SPIRE1: variants seen among roughly 807,000 people sequenced by gnomAD.
SPIRE1 encodes protein spire homolog 1.
A neutral mutation model predicts 94.1 loss-of-function variants in SPIRE1; 40 were observed. The observed-to-expected ratio is 0.43, with a 90% CI of 0.33 to 0.55. The LOEUF (loss-of-function observed/expected upper bound fraction) is 0.55. Ranked by LOEUF, SPIRE1 falls within the 20% of genes least tolerant of loss-of-function variation. SPIRE1 has a pLI of 0.06. For synonymous variants in SPIRE1, 376 were observed against 371.7 expected (o/e 1.01, Z -0.13); for missense variants, 838 against 975.2 (o/e 0.86, Z 1.87).
intron 2 of SPIRE1, among the ~76,000 whole-genome samples, chr18:12,550,037 A>C (rs1276410803): frequency 1.3e-5 from 2 of 152,134 alleles, no homozygotes; most frequent in African/African-American, 2.4e-5. Flanking sequence ...CTCCAAATAA[A>C]ACAATCATTT....
chr18:12,456,868 C>T (rs947497817), intron 12 of SPIRE1, among the ~76,000 whole-genome samples: 2 of 152,190 alleles, frequency 1.3e-5, no homozygotes, highest in African/African-American at 2.4e-5. Flanking sequence ...GACAAGGTCT[C>T]GCTCTGTCAC....
Position 12,479,787 on chromosome 18 carries a change from C to G in SPIRE1, c.1316G>C (p.Gly439Ala), listed in dbSNP as rs769102563. The G allele has an allele frequency of 6.2e-7, 1 of 1,614,148 alleles. No individual in the cohort carries two copies. Reference protein sequence around the residue: ...GGLTSQTKENGLSTSQQVPAQ... With the variant: ...GGLTSQTKENALSTSQQVPAQ... The stretch of plus-strand genomic sequence containing the variant: ...AGGCACCTGCTGTGAGGTACTTAAC[C>G]CGTTTTCTTTTGTTTGTGATGTCAA... The change falls in exon 10 of 17, where the codon GGG (glycine) becomes GCG (alanine). Residue 439 changes from glycine (G) to alanine (A), a missense_variant. Physicochemically the swap from Gly to Ala is moderately conservative, Grantham distance 60 (BLOSUM62 0). This residue lies in a region of SPIRE1 where 645 missense variants were observed against 804.7 expected (regional missense o/e 0.80). Transcript: ENST00000409402.
At chr18:12,641,957 G>A (rs535790582) in intron 1 of SPIRE1, among the ~76,000 whole-genome samples, 1 of 148,730 alleles carries the variant, frequency 6.7e-6, no homozygotes, top group South Asian at 2.1e-4. Context: ...TCAGCCTCCT[G>A]AGTAGCTGGG....
intron 6 of SPIRE1, among the ~76,000 whole-genome samples, chr18:12,501,475 C>T (rs1008028313): frequency 2.0e-5 from 3 of 152,180 alleles, no homozygotes; most frequent in African/African-American, 7.2e-5. Flanking sequence ...ACTGCGCCTC[C>T]CGAGTTCAAG....
chr18:12,571,633 A>G (rs765090795), intron 2 of SPIRE1, among the ~76,000 whole-genome samples: 12 of 152,236 alleles, frequency 7.9e-5, no homozygotes, highest in Non-Finnish European at 1.3e-4. Context: ...CAAAAATACT[A>G]TAAAGCTTTA....
intron 10 of SPIRE1, among the ~76,000 whole-genome samples, chr18:12,470,652 C>T (rs1324490540): frequency 1.3e-5 from 2 of 152,158 alleles, no homozygotes; most frequent in Non-Finnish European, 2.9e-5. Flanking sequence ...TGGGTACATG[C>T]ATGTGCATGT....
intron 12 of SPIRE1, chr18:12,459,945 G>C (rs2031708153): frequency 1.0e-6 from 1 of 984,656 alleles, no homozygotes; most frequent in Non-Finnish European, 1.2e-6. Context: ...AACAGATAAG[G>C]GAAAAAGAAA....
intron 1 of SPIRE1, among the ~76,000 whole-genome samples, chr18:12,646,484 A>T (rs1426582221): frequency 3.3e-5 from 5 of 152,198 alleles, no homozygotes; most frequent in Non-Finnish European, 7.3e-5. Context: ...AAATGAATAC[A>T]TGAAATCAGG....
At chr18:12,508,872 G>A (rs1390879164) in intron 5 of SPIRE1, among the ~76,000 whole-genome samples, 4 of 152,126 alleles carry the variant, frequency 2.6e-5, no homozygotes, top group Admixed American at 1.3e-4. Flanking sequence ...CACAGGTTTC[G>A]TCATGTTGGC....
intron 1 of SPIRE1, among the ~76,000 whole-genome samples, chr18:12,649,215 C>A (rs2038309202): frequency 2.0e-5 from 3 of 151,966 alleles, no homozygotes; most frequent in Admixed American, 2.0e-4. Context: ...AGTTCAAGAG[C>A]AGTCTGGGCA....
intron 13 of SPIRE1, among the ~76,000 whole-genome samples, chr18:12,453,910 G>A (rs1037395065): frequency 3.3e-5 from 5 of 151,884 alleles, no homozygotes; most frequent in African/African-American, 1.2e-4. Context: ...TCAGCCTCCC[G>A]AGTAGCTGGG....
chr18:12,467,679 C>T (rs1171084526), intron 10 of SPIRE1, among the ~76,000 whole-genome samples: 1 of 151,974 alleles, frequency 6.6e-6, no homozygotes, highest in Non-Finnish European at 1.5e-5. Flanking sequence ...CGGCTGGGCA[C>T]AGTGGTTCAC....
At chr18:12,654,592 TTGCAG>T (rs903116179) in intron 1 of SPIRE1, among the ~76,000 whole-genome samples, 309 of 151,368 alleles carry the variant, frequency 2.0e-3, no homozygotes, top group African/African-American at 6.9e-3. Context: ...GCTTGCAAGC[TTGCAG>T]TGAGCTGAGA....
At chr18:12,528,597 C>A (rs1291374437) in intron 4 of SPIRE1, among the ~76,000 whole-genome samples, 2 of 152,128 alleles carry the variant, frequency 1.3e-5, no homozygotes, top group Non-Finnish European at 2.9e-5. Context: ...CTGGAGAGGT[C>A]AGAACTGGGT....
At chr18:12,561,432 G>A (rs1214973667) in intron 2 of SPIRE1, among the ~76,000 whole-genome samples, 1 of 152,010 alleles carries the variant, frequency 6.6e-6, no homozygotes, top group Non-Finnish European at 1.5e-5. Context: ...ACCATGCCCA[G>A]CTAATGTATT....
intron 2 of SPIRE1, among the ~76,000 whole-genome samples, chr18:12,548,008 G>A (rs1249768784): frequency 6.6e-6 from 1 of 152,214 alleles, no homozygotes; most frequent in Admixed American, 6.5e-5. Flanking sequence ...CCACTAGCCA[G>A]CTGCCTCAGG....
chr18:12,458,091 G>A (rs577141514), intron 12 of SPIRE1, among the ~76,000 whole-genome samples: 5 of 150,934 alleles, frequency 3.3e-5, no homozygotes, highest in Admixed American at 6.6e-5. Flanking sequence ...TGATCCACCC[G>A]CCTCGGCCTC....
chr18:12,526,056 T>TACACACACACACAC (rs56263373), intron 4 of SPIRE1, among the ~76,000 whole-genome samples: 7,447 of 122,546 alleles, frequency 0.061, 386 homozygotes, highest in Middle Eastern at 0.081. Context: ...ATACTGAAGA[T>TACACACACACACAC]ACACACACAC....
chr18:12,630,532 G>T (rs1424811463), intron 2 of SPIRE1, among the ~76,000 whole-genome samples: 1 of 152,214 alleles, frequency 6.6e-6, no homozygotes, highest in Admixed American at 6.5e-5. Flanking sequence ...GGTGGCACAT[G>T]CCTGTAATCT....
Sources: allele counts gnomAD v4.1 joint callset (sites outside exome capture counted in the v4.1 genomes callset), GRCh38; gene constraint gnomAD v4.1.1; regional missense constraint gnomAD v4.1.1; transcripts MANE v1.5; gene names NCBI Gene and HGNC (gene_info 2026-07-23, HGNC 2026-07-21).